The following VTI1A variants were observed in gnomAD, a reference collection of about 807,000 sequenced individuals.
The protein encoded by VTI1A is vesicle transport through interaction with t-SNAREs 1A.
Under a neutral mutation model 34.9 loss-of-function variants are expected in VTI1A, and 22 were observed. The ratio of observed to expected loss-of-function variants is 0.63; its 90% CI spans 0.45 to 0.90. VTI1A has a LOEUF of 0.90. VTI1A is among the 40% of genes least tolerant of loss of function. VTI1A has a pLI of 0.00. For missense variants in VTI1A, 268 were observed against 275.6 expected (o/e 0.97, Z 0.20); for synonymous variants, 87 against 97.3 (o/e 0.89, Z 0.62).
intron 5 of VTI1A, among the ~76,000 whole-genome samples, chr10:112,660,799 T>TA (rs1847417743): frequency 6.6e-6 from 1 of 152,186 alleles, no homozygotes; most frequent in African/African-American, 2.4e-5. Flanking sequence ...CAGCCTACCT[T>TA]AAATAAATAT....
intron 7 of VTI1A, among the ~76,000 whole-genome samples, chr10:112,774,037 G>C (rs1851887898): frequency 6.6e-6 from 1 of 152,212 alleles, no homozygotes; most frequent in African/African-American, 2.4e-5. Context: ...CAGAGACACT[G>C]GGTGGCTTGG....
At chr10:112,667,735 A>G (rs1229072724) in intron 5 of VTI1A, among the ~76,000 whole-genome samples, 1 of 151,086 alleles carries the variant, frequency 6.6e-6, no homozygotes, top group Non-Finnish European at 1.5e-5. Context: ...CCAATAAGCT[A>G]CAGTAGGTGA....
At chr10:112,464,754 A>C in intron 3 of VTI1A, 97 bp downstream of exon 3, 8 of 1,022,122 alleles carry the variant, frequency 7.8e-6, no homozygotes, top group Non-Finnish European at 1.0e-5. Flanking sequence ...TTTTGGGCTC[A>C]TGTAGAAGAC....
chr10:112,516,029 A>C (rs899733626), intron 3 of VTI1A, among the ~76,000 whole-genome samples: 1 of 152,092 alleles, frequency 6.6e-6, no homozygotes, highest in Admixed American at 6.6e-5. Context: ...GTGGCTGACA[A>C]AAATCTATTT....
intron 7 of VTI1A, among the ~76,000 whole-genome samples, chr10:112,810,708 T>C (rs1001825045): frequency 6.6e-6 from 1 of 152,222 alleles, no homozygotes; most frequent in African/African-American, 2.4e-5. Context: ...GCTGTACCCC[T>C]GGAGCTGGGG....
intron 3 of VTI1A, among the ~76,000 whole-genome samples, chr10:112,471,561 C>A (rs1028762588): frequency 6.6e-6 from 1 of 151,994 alleles, no homozygotes; most frequent in South Asian, 2.1e-4. Flanking sequence ...GAGCCAGAAT[C>A]AGAATCGAGT....
intron 5 of VTI1A, among the ~76,000 whole-genome samples, chr10:112,638,659 A>G (rs1193262587): frequency 6.6e-6 from 1 of 152,098 alleles, no homozygotes; most frequent in Non-Finnish European, 1.5e-5. Flanking sequence ...ATTGTCAAAT[A>G]GATTCAGCTC....
At chr10:112,829,735 C>G in the VTI1A span, among the ~76,000 whole-genome samples, 16 of 152,160 alleles carry the variant, frequency 1.1e-4, 1 homozygote, top group Admixed American at 1.0e-3. Context: ...GCCTGGGCAA[C>G]AGAGAAAGAC....
At position 112,618,524 on chromosome 10, in the gene VTI1A, T is replaced by TATAGAG. The variant is rs748276058; in HGVS notation, c.428-49693_428-49692insTAGAGA. 2.1e-3 allele frequency among the ~76,000 whole-genome samples: 74 copies of TATAGAG among 34,580 alleles called. 1 individual carries two copies. The highest frequency in any genetic ancestry group is 4.9e-3 in the South Asian group (3 of 612). The allele number at this position is 34,580 out of a possible 152,430, so 22.7% of individuals were successfully genotyped here. On this transcript the variant is annotated intron_variant, in intron 5 of 7. Coordinates refer to ENST00000393077, the MANE Select transcript of VTI1A (RefSeq NM_145206.4). Reference sequence around the variant, plus strand: ...ATATATATATATATATATATATATATAGAGAGAGAGAGAGAGAGAGAGAGT... The same window carrying TATAGAG: ...ATATATATATATATATATATATATATATAGAGAGAGAGAGAGAGAGAGAGAGAGAGT...
chr10:112,742,555 G>A (rs990559274), intron 7 of VTI1A, among the ~76,000 whole-genome samples: 1 of 152,208 alleles, frequency 6.6e-6, no homozygotes, highest in African/African-American at 2.4e-5. Context: ...TTCCACAAAT[G>A]TCTCGAAAGA....
chr10:112,665,094 C>T (rs1404940396), intron 5 of VTI1A, among the ~76,000 whole-genome samples: 2 of 152,106 alleles, frequency 1.3e-5, no homozygotes, highest in African/African-American at 4.8e-5. Context: ...TTGGCTTAGG[C>T]CTCTGAGCTT....
At position 112,816,696 on chromosome 10, in the gene VTI1A, T is replaced by C. The variant is rs1853530932; in HGVS notation, c.*1313T>C. 4.4e-6 allele frequency: 1 copy of C among 226,456 alleles called. No homozygotes were observed. Among genetic ancestry groups the C allele is most frequent in the Non-Finnish European group, 8.8e-6 (1 of 113,834 alleles). 14.0% of individuals were successfully genotyped at this position (226,456 alleles called of 1,614,324 possible). A position where few individuals can be genotyped will look rare whatever the true frequency, so the allele number is the denominator to read the frequency against. ...TTCATAGGCACTTACTGGTCCGTAC[T>C]ATCTTTGGAATATAATTAGAAGCTT... On this transcript the variant is annotated 3_prime_UTR_variant, in exon 8 of 8. Transcript: ENST00000393077.
chr10:112,839,605 G>T, the VTI1A span, among the ~76,000 whole-genome samples: 1 of 152,174 alleles, frequency 6.6e-6, no homozygotes, highest in Non-Finnish European at 1.5e-5. Flanking sequence ...GGCTCTTGGG[G>T]TTGATCCCAA....
chr10:112,725,619 GT>G (rs1590119478), intron 7 of VTI1A, among the ~76,000 whole-genome samples: 2 of 152,168 alleles, frequency 1.3e-5, no homozygotes, highest in African/African-American at 2.4e-5. Context: ...CTGTCATTCA[GT>G]TTGCATTTAC....
At chr10:112,631,352 C>T (rs934128822) in intron 5 of VTI1A, among the ~76,000 whole-genome samples, 4 of 152,188 alleles carry the variant, frequency 2.6e-5, no homozygotes, top group Non-Finnish European at 5.9e-5. Context: ...ACCACCACCT[C>T]TATCTAGTTC....
intron 7 of VTI1A, among the ~76,000 whole-genome samples, chr10:112,743,557 C>T (rs1564908612): frequency 1.3e-5 from 2 of 152,258 alleles, no homozygotes; most frequent in African/African-American, 4.8e-5. Context: ...TCACTTCCGC[C>T]CCAGCTGGCC....
intron 3 of VTI1A, among the ~76,000 whole-genome samples, chr10:112,512,050 A>T (rs1216610985): frequency 6.6e-6 from 1 of 152,120 alleles, no homozygotes; most frequent in Admixed American, 6.5e-5. Flanking sequence ...TCTTTGATAT[A>T]TTGATTTCTT....
Position 112,815,809 on chromosome 10 carries a change from C to T in VTI1A, c.*426C>T, listed in dbSNP as rs1242170909. ...TCTGTGATGTCTGAGGATAAAAATG[C>T]AGCAAAAAGCAGGGGATGGAGTCAG... On this transcript the variant is annotated 3_prime_UTR_variant, in exon 8 of 8. Transcript: ENST00000393077. 7.8e-6 allele frequency: 2 copies of T among 257,868 alleles called. No individual in the cohort carries two copies. Among genetic ancestry groups the T allele is most frequent in the South Asian group, 2.4e-4 (2 of 8,300 alleles). The allele number at this position is 257,868 out of a possible 1,614,324, so 16.0% of individuals were successfully genotyped here. A position where few individuals can be genotyped will look rare whatever the true frequency, so the allele number is the denominator to read the frequency against.
intron 5 of VTI1A, among the ~76,000 whole-genome samples, chr10:112,605,684 A>C (rs1845051586): frequency 6.6e-6 from 1 of 152,060 alleles, no homozygotes; most frequent in Non-Finnish European, 1.5e-5. Flanking sequence ...ACCTACCCAC[A>C]TCCAGCCGCC....
Sources: allele counts gnomAD v4.1 joint callset (sites outside exome capture counted in the v4.1 genomes callset), GRCh38; gene constraint gnomAD v4.1.1; transcripts MANE v1.5; gene names NCBI Gene and HGNC (gene_info 2026-07-23, HGNC 2026-07-21).